The following CACNA1E variants were observed in gnomAD, a reference collection of about 807,000 sequenced individuals.
CACNA1E encodes the protein voltage-dependent R-type calcium channel subunit alpha-1E.
In CACNA1E, 40 loss-of-function variants were observed where a neutral mutation model predicts 259.2. The ratio of observed to expected loss-of-function variants is 0.15; its 90% CI spans 0.12 to 0.20. CACNA1E has a LOEUF of 0.20. Among genes scored for constraint, CACNA1E ranks in the 10% least tolerant of loss-of-function variants. The probability of loss-of-function intolerance (pLI) is 1.00; values close to 1 mark genes in which losing one functional copy is unlikely to be tolerated. For synonymous variants in CACNA1E, 1,104 were observed against 1,138.5 expected, an observed-to-expected ratio of 0.97 and a Z score of 0.61; for missense variants, 1,874 against 3,040.1, an observed-to-expected ratio of 0.62 and a Z score of 9.02.
chr1:181,710,184 A>T (rs1008607877), intron 7 of CACNA1E, among the ~76,000 whole-genome samples: 1 of 151,338 alleles, frequency 6.6e-6, no homozygotes, highest in Non-Finnish European at 1.5e-5. Context: ...CTGCCTCATG[A>T]TCTCCCCTCC....
intron 8 of CACNA1E, among the ~76,000 whole-genome samples, chr1:181,712,655 G>A (rs1025846987): frequency 6.6e-6 from 1 of 152,196 alleles, no homozygotes; most frequent in Non-Finnish European, 1.5e-5. Context: ...AGGCTGTTGT[G>A]TAGGGATGAA....
At chr1:181,672,039 G>A (rs1648857355) in intron 7 of CACNA1E, among the ~76,000 whole-genome samples, 1 of 152,142 alleles carries the variant, frequency 6.6e-6, no homozygotes, top group Non-Finnish European at 1.5e-5. Context: ...TATACTCATG[G>A]AATATTATGC....
At chr1:181,695,967 TAATA>T (rs1651660406) in intron 7 of CACNA1E, among the ~76,000 whole-genome samples, 1 of 152,048 alleles carries the variant, frequency 6.6e-6, no homozygotes, top group Admixed American at 6.6e-5. Flanking sequence ...ATAAATAAAT[TAATA>T]AATAAGAATC....
intron 6 of CACNA1E, among the ~76,000 whole-genome samples, chr1:181,603,549 A>T (rs1205777742): frequency 2.6e-5 from 4 of 151,218 alleles, no homozygotes. Context: ...GAGAAAAGCA[A>T]CCCCCTCCCC....
intron 38 of CACNA1E, among the ~76,000 whole-genome samples, chr1:181,778,346 A>G (rs183961823): frequency 6.6e-6 from 1 of 152,306 alleles, no homozygotes; most frequent in East Asian, 1.9e-4. Flanking sequence ...TCAAGAGTTG[A>G]GAGACTTGGA....
intron 2 of CACNA1E, among the ~76,000 whole-genome samples, chr1:181,471,210 G>C (rs1662482600): frequency 6.6e-6 from 1 of 152,138 alleles, no homozygotes; most frequent in African/African-American, 2.4e-5. Context: ...ATGTCCTAAA[G>C]ACTTTACCTC....
chr1:181,616,931 G>A (rs573996398), intron 6 of CACNA1E, among the ~76,000 whole-genome samples: 55 of 152,160 alleles, frequency 3.6e-4, no homozygotes, highest in African/African-American at 1.2e-3. Flanking sequence ...TTTATCCATT[G>A]CATTCTTATT....
intron 3 of CACNA1E, among the ~76,000 whole-genome samples, chr1:181,532,240 G>T (rs1249860613): frequency 6.6e-6 from 1 of 152,154 alleles, no homozygotes; most frequent in Non-Finnish European, 1.5e-5. Context: ...TAAAATAAAT[G>T]ATGTGTTAAT....
At chr1:181,421,641 C>T (rs1185259594) in intron 2 of CACNA1E, among the ~76,000 whole-genome samples, 1 of 152,174 alleles carries the variant, frequency 6.6e-6, no homozygotes, top group Non-Finnish European at 1.5e-5. Context: ...GTAAATGGCA[C>T]CACTATTTCT....
Position 181,737,404 on chromosome 1 carries a change from C to T in CACNA1E, c.3423-121C>T, listed in dbSNP as rs73045106. On this transcript the variant is annotated intron_variant, in intron 22 of 47. Transcript: ENST00000367573. ...TGAGAAATTAAATTGCTCTCCCTGG[C>T]GGCTTCCTTTGGCAAGGGCCTGGCT... 0.017 allele frequency: 19,455 copies of T among 1,124,494 alleles called. 270 individuals carry two copies. Among genetic ancestry groups the T allele is most frequent in the African/African-American group, 0.065 (4,173 of 64,626 alleles). 69.7% of individuals were successfully genotyped at this position (1,124,494 alleles called of 1,614,324 possible).
intron 6 of CACNA1E, among the ~76,000 whole-genome samples, chr1:181,631,529 G>A (rs199910): frequency 0.78 from 118,089 of 152,008 alleles, 46,673 homozygotes; most frequent in East Asian, 0.95. Flanking sequence ...AGCAAGAAGA[G>A]AGGTGCCTGG....
At chr1:181,761,620 G>C (rs906241548) in intron 32 of CACNA1E, among the ~76,000 whole-genome samples, 1 of 152,126 alleles carries the variant, frequency 6.6e-6, no homozygotes, top group African/African-American at 2.4e-5. Context: ...TACTTTCTCT[G>C]TCTCCTCTGA....
intron 2 of CACNA1E, among the ~76,000 whole-genome samples, chr1:181,442,011 G>A (rs908192661): frequency 6.6e-6 from 1 of 152,174 alleles, no homozygotes; most frequent in African/African-American, 2.4e-5. Flanking sequence ...AGGTTGTGTT[G>A]TCAACACAAT....
At chr1:181,577,697 G>T in intron 3 of CACNA1E, 69 bp from the exon 4 acceptor site, 4 of 1,051,504 alleles carry the variant, frequency 3.8e-6, no homozygotes, top group Non-Finnish European at 5.7e-6. Context: ...CCTCAGCCCC[G>T]CTTCCTGCAT....
intron 2 of CACNA1E, among the ~76,000 whole-genome samples, chr1:181,423,662 ATTTTTTTT>A (rs11302089): frequency 7.6e-6 from 1 of 130,998 alleles, no homozygotes; most frequent in African/African-American, 3.0e-5. Context: ...CATTGGGCCA[ATTTTTTTT>A]TTTTTTTTGC....
chr1:181,756,316 G>T (rs1385688063), intron 29 of CACNA1E, among the ~76,000 whole-genome samples: 1 of 152,188 alleles, frequency 6.6e-6, no homozygotes, highest in African/African-American at 2.4e-5. Context: ...AACTCTTAAT[G>T]TTTTAGCCAA....
intron 19 of CACNA1E, among the ~76,000 whole-genome samples, chr1:181,731,576 G>A (rs188154016): frequency 4.9e-4 from 75 of 152,258 alleles, no homozygotes; most frequent in Middle Eastern, 3.4e-3. Flanking sequence ...GGGTACATGC[G>A]CGTGTCCCCT....
At chr1:181,583,492 G>GT (rs1266453279) in intron 6 of CACNA1E, among the ~76,000 whole-genome samples, 4 of 152,130 alleles carry the variant, frequency 2.6e-5, no homozygotes, top group African/African-American at 7.2e-5. Flanking sequence ...CAAACCAGTA[G>GT]GAGAATCTTC....
At chr1:181,444,329 A>G (rs549002222) in intron 2 of CACNA1E, among the ~76,000 whole-genome samples, 313 of 34,478 alleles carry the variant, frequency 9.1e-3, no homozygotes, top group African/African-American at 0.064. Flanking sequence ...CTGTGCTATT[A>G]AAAAAAAAAA....
Sources: gnomAD v4.1 joint callset for allele counts (sites outside exome capture counted in the v4.1 genomes callset) on GRCh38, gnomAD v4.1.1 for gene constraint, MANE v1.5 for transcripts, NCBI Gene and HGNC (gene_info 2026-07-23, HGNC 2026-07-21) for gene names.